TMTC4: variants seen among roughly 807,000 people sequenced by gnomAD.
TMTC4 encodes protein O-mannosyl-transferase TMTC4.
In TMTC4, 65 loss-of-function variants were observed where a neutral mutation model predicts 86.0. That is an observed-to-expected ratio of 0.76 (90% CI 0.62 to 0.93). The LOEUF (loss-of-function observed/expected upper bound fraction) is 0.93. Among genes scored for constraint, TMTC4 ranks in the 40% least tolerant of loss-of-function variants. The pLI, the probability that TMTC4 is intolerant of heterozygous loss-of-function variation, is 0.00. For synonymous variants in TMTC4, 379 were observed against 382.5 expected, an observed-to-expected ratio of 0.99 and a Z score of 0.11; for missense variants, 866 against 948.1, an observed-to-expected ratio of 0.91 and a Z score of 1.14.
At chr13:100,637,403 A>G in intron 9 of TMTC4, 135 bp downstream of exon 9, 1 of 1,214,684 alleles carries the variant, frequency 8.2e-7, no homozygotes, top group East Asian at 2.4e-5. Context: ...AGTGATCGCA[A>G]GCAAACATGG....
At chr13:100,652,558 A>AAT (rs200665752) in intron 6 of TMTC4, among the ~76,000 whole-genome samples, 38 of 152,024 alleles carry the variant, frequency 2.5e-4, no homozygotes, top group Admixed American at 5.9e-4. Context: ...TCCAAATGAA[A>AAT]ATATATATAT....
intron 15 of TMTC4, among the ~76,000 whole-genome samples, chr13:100,623,645 G>GTTTTT (rs58766408): frequency 1.1e-4 from 12 of 113,296 alleles, no homozygotes; most frequent in African/African-American, 3.8e-4. Flanking sequence ...GTTGGGTTTT[G>GTTTTT]TTTTTTTTTT....
Position 100,612,382 on chromosome 13 carries a change from C to G in TMTC4, c.2064+16G>C, listed in dbSNP as rs1182806074. The G allele has an allele frequency of 5.7e-6, 9 of 1,578,526 alleles. No homozygotes were observed. The African/African-American group carries it at 9.5e-5, about 17-fold the overall frequency. ...TGGCACTAACTGCAAGAACTCACAG[C>G]CTGCGGTTTACGCACCTTGTATTTC... On this transcript the variant is annotated intron_variant, in intron 17 of 18. Transcript: ENST00000342624.
At position 100,625,777 on chromosome 13, in the gene TMTC4, A is replaced by G; in HGVS notation, c.1694+8T>C. 2.5e-6 allele frequency: 4 copies of G among 1,612,108 alleles called. No homozygotes were observed. Among genetic ancestry groups the G allele is most frequent in the Non-Finnish European group, 3.4e-6 (4 of 1,179,666 alleles). Reference sequence around the variant, plus strand: ...TGTCACTAGCATAATTATAAAAACAATGCTTACTGTATTTGAACAGCCAAA... The same window carrying G: ...TGTCACTAGCATAATTATAAAAACAGTGCTTACTGTATTTGAACAGCCAAA... On this transcript the variant is annotated splice_region_variant and intron_variant, in intron 14 of 18. Coordinates refer to ENST00000342624, the MANE Select transcript of TMTC4 (RefSeq NM_032813.5).
chr13:100,620,053 C>T (rs945255466), intron 15 of TMTC4, among the ~76,000 whole-genome samples: 1 of 152,164 alleles, frequency 6.6e-6, no homozygotes, highest in East Asian at 1.9e-4. Flanking sequence ...AGCATCTACA[C>T]GAAGGGAACA....
intron 15 of TMTC4, chr13:100,624,782 T>A (rs1291411543): frequency 1.3e-5 from 2 of 152,238 alleles, no homozygotes; most frequent in Admixed American, 6.5e-5. Context: ...ACAAATTTTT[T>A]AATTAACAAT....
intron 12 of TMTC4, among the ~76,000 whole-genome samples, chr13:100,629,256 G>A (rs1277167874): frequency 1.3e-5 from 2 of 152,204 alleles, no homozygotes; most frequent in African/African-American, 4.8e-5. Flanking sequence ...CAGAGGAGAC[G>A]ATGCTACAGA....
chr13:100,651,231 T>C (rs1486133850), intron 6 of TMTC4, among the ~76,000 whole-genome samples: 3 of 152,200 alleles, frequency 2.0e-5, no homozygotes, highest in Non-Finnish European at 2.9e-5. Context: ...TTGGCTATTC[T>C]AGCAAGTTTA....
At chr13:100,661,727 A>C (rs1885799555) in intron 5 of TMTC4, among the ~76,000 whole-genome samples, 1 of 152,264 alleles carries the variant, frequency 6.6e-6, no homozygotes, top group African/African-American at 2.4e-5. Context: ...TAACAACTCC[A>C]CAACACTCTT....
intron 3 of TMTC4, among the ~76,000 whole-genome samples, chr13:100,666,918 C>T (rs1210888623): frequency 6.6e-6 from 1 of 152,198 alleles, no homozygotes; most frequent in Non-Finnish European, 1.5e-5. Context: ...TGAGCCCAGG[C>T]ATCGGAGGCT....
At chr13:100,617,596 A>G (rs930389141) in intron 15 of TMTC4, among the ~76,000 whole-genome samples, 1 of 152,082 alleles carries the variant, frequency 6.6e-6, no homozygotes, top group African/African-American at 2.4e-5. Context: ...CCCTTTCCCC[A>G]TTGCTTTAAA....
chr13:100,614,473 T>C (rs777107935), intron 15 of TMTC4, 43 bp from the exon 16 acceptor site: 3 of 1,387,032 alleles, frequency 2.2e-6, no homozygotes, highest in African/African-American at 2.9e-5. Flanking sequence ...CCAAGTTTCC[T>C]GCTTCCTCTT....
rs147548217 is a variant in TMTC4, at chr13:100,636,624, G to C, written c.1110C>G (p.Ser370Arg). The C allele has an allele frequency of 9.3e-6, 15 of 1,614,184 alleles. No individual in the cohort carries two copies. The highest frequency in any genetic ancestry group is 1.7e-5 in the Admixed American group (1 of 60,018). ...MGCIPLIKSI[S>R]DWRVIALAAL... ...CTGCAAGTGCAATTACCCTCCAGTC[G>C]CTGATGGACTTAATGAGGGGGATGC... The change falls in exon 10 of 19, where the codon AGC becomes AGG. Residue 370 changes from serine (S) to arginine (R), a missense_variant. By Grantham distance (110) the Ser-to-Arg change is moderately radical. Coordinates refer to ENST00000342624, the MANE Select transcript of TMTC4 (RefSeq NM_032813.5).
At chr13:100,657,371 T>A (rs1270264863) in intron 5 of TMTC4, among the ~76,000 whole-genome samples, 1 of 152,220 alleles carries the variant, frequency 6.6e-6, no homozygotes, top group African/African-American at 2.4e-5. Context: ...CAAGAGTGAT[T>A]AACAACTAGG....
chr13:100,632,045 A>ACTCTCT (rs1409294236), intron 12 of TMTC4, among the ~76,000 whole-genome samples: 12 of 65,096 alleles, frequency 1.8e-4, no homozygotes, highest in African/African-American at 3.5e-4. Context: ...ACACACACAC[A>ACTCTCT]CACACACACT....
chr13:100,634,348 A>T (rs1881887329), intron 12 of TMTC4, among the ~76,000 whole-genome samples: 1 of 152,154 alleles, frequency 6.6e-6, no homozygotes, highest in Admixed American at 6.5e-5. Flanking sequence ...TTCCTGAACT[A>T]CATTATTGCC....
At chr13:100,626,497 T>G (rs1478931521) in intron 12 of TMTC4, among the ~76,000 whole-genome samples, 2 of 152,200 alleles carry the variant, frequency 1.3e-5, no homozygotes, top group Non-Finnish European at 2.9e-5. Flanking sequence ...TTGCCCAGGC[T>G]GGAGTGCAGT....
At chr13:100,622,750 C>T (rs988789326) in intron 15 of TMTC4, among the ~76,000 whole-genome samples, 6 of 152,044 alleles carry the variant, frequency 3.9e-5, no homozygotes, top group Admixed American at 2.6e-4. Flanking sequence ...TACATGCAAC[C>T]ACTTCACTTT....
At chr13:100,651,337 T>G (rs1884407155) in intron 6 of TMTC4, among the ~76,000 whole-genome samples, 1 of 152,190 alleles carries the variant, frequency 6.6e-6, no homozygotes, top group African/African-American at 2.4e-5. Flanking sequence ...CTTTTTGTTT[T>G]GGGCATTCAG....
Sources: allele counts gnomAD v4.1 joint callset (sites outside exome capture counted in the v4.1 genomes callset), GRCh38; gene constraint gnomAD v4.1.1; transcripts MANE v1.5; gene names NCBI Gene and HGNC (gene_info 2026-07-23, HGNC 2026-07-21).